Variants in KRT80 observed in about 807,000 individuals in gnomAD.
KRT80 encodes keratin, type II cytoskeletal 80.
A neutral mutation model predicts 51.5 loss-of-function variants in KRT80; 36 were observed. The observed-to-expected ratio is 0.70, with a 90% confidence interval of 0.54 to 0.92. The LOEUF (loss-of-function observed/expected upper bound fraction) is 0.92. Ranked by LOEUF, KRT80 falls within the 40% of genes least tolerant of loss-of-function variation. KRT80 has a pLI of 0.00. For synonymous variants in KRT80, 235 were observed against 248.3 expected, an observed-to-expected ratio of 0.95 and a Z score of 0.50; for missense variants, 566 against 591.7, an observed-to-expected ratio of 0.96 and a Z score of 0.45.
chr12:52,176,223 T>C (rs981363979), intron 4 of KRT80, among the ~76,000 whole-genome samples: 1 of 151,890 alleles, frequency 6.6e-6, no homozygotes, highest in Admixed American at 6.6e-5. Flanking sequence ...CTGCAGAGAG[T>C]ATGACAATTC....
chr12:52,173,748 G>T lies in KRT80; in HGVS notation c.683C>A (p.Ala228Glu). 6.2e-7 allele frequency: 1 copy of T among 1,611,218 alleles called. No individual in the cohort carries two copies. Among genetic ancestry groups the T allele is most frequent in the Non-Finnish European group, 8.5e-7 (1 of 1,179,988 alleles). Reference sequence around the variant, plus strand: ...CACCGACACATCCTTCACCTGTGCTGCCAGGTCCTTCAGCTCCTGACCGGG... The same window carrying T: ...CACCGACACATCCTTCACCTGTGCTTCCAGGTCCTTCAGCTCCTGACCGGG... ...TIYEQELKDL[A>E]AQVKDVSVTV... The change falls in exon 5 of 9, where the codon GCA becomes GAA. Residue 228 changes from alanine (A) to glutamate (E), a missense_variant. Coordinates refer to ENST00000394815, the MANE Select transcript of KRT80 (RefSeq NM_182507.3).
rs779396856 is a variant in KRT80 at position 52,185,522 on chromosome 12, G to A, written c.366C>T (p.Asp122=). The change falls in exon 2 of 9, where the codon GAC becomes GAT. Residue 122 remains aspartate, a synonymous_variant. Transcript: ENST00000394815. ...ETRWSFLQGQ[D]SAIFDLGHLY... ...GATGCCCGAGGTCGAAGATGGCTGA[G>A]TCCTGGCCCTGCAGGAAGCTCCAGC... 1.9e-6 allele frequency: 3 copies of A among 1,613,544 alleles called. No homozygotes were observed. Among genetic ancestry groups the A allele is most frequent in the Non-Finnish European group, 2.5e-6 (3 of 1,180,036 alleles).
rs1284118475 is a variant in KRT80 at position 52,180,956 on chromosome 12, C to T, written c.517G>A (p.Asp173Asn). Residue 173 changes from aspartate to asparagine, a missense_variant, in exon 3 of 9, where the codon GAT becomes AAT. Coordinates refer to ENST00000394815, the MANE Select transcript of KRT80 (RefSeq NM_182507.3). The stretch of plus-strand genomic sequence containing the variant: ...ATGTCTGTGCGCTTGGAGATCTCAT[C>T]CTCATACCTGGGAGGGAGAGAGGGG... The part of the protein sequence containing the change: ...KVEEFRIRYE[D>N]EISKRTDMEF... 1.3e-6 allele frequency: 2 copies of T among 1,526,546 alleles called. No individual in the cohort carries two copies. Among genetic ancestry groups the T allele is most frequent in the Non-Finnish European group, 1.8e-6 (2 of 1,139,226 alleles). The allele number at this position is 1,526,546 out of a possible 1,614,324, so 94.6% of individuals were successfully genotyped here.
chr12:52,174,098 T>A (rs1274553142), intron 4 of KRT80, among the ~76,000 whole-genome samples: 1 of 152,164 alleles, frequency 6.6e-6, no homozygotes, highest in African/African-American at 2.4e-5. Flanking sequence ...TCCTGGCTGA[T>A]GGGAAAGGGC....
At chr12:52,183,848 C>G (rs1198140603) in intron 2 of KRT80, among the ~76,000 whole-genome samples, 1 of 152,234 alleles carries the variant, frequency 6.6e-6, no homozygotes, top group Non-Finnish European at 1.5e-5. Context: ...GGCCTGTTTC[C>G]TTCCCTGTAA....
At chr12:52,184,721 G>A (rs867846922) in intron 2 of KRT80, among the ~76,000 whole-genome samples, 2 of 152,196 alleles carry the variant, frequency 1.3e-5, no homozygotes, top group Non-Finnish European at 2.9e-5. Flanking sequence ...CCAAGCCTGG[G>A]CCCATAAATG....
Position 52,191,597 on chromosome 12 carries a change from G to C in KRT80, c.300+6C>G. 6.4e-7 allele frequency: 1 copy of C among 1,574,706 alleles called. No individual in the cohort carries two copies. The highest frequency in any genetic ancestry group is 1.3e-5 in the African/African-American group (1 of 74,210). The stretch of plus-strand genomic sequence containing the variant: ...TTCATGTTTGGGACCCCCTACTTGT[G>C]CTCACCTTGCCAATTAGGGAGGCAA... On this transcript the variant is annotated splice_donor_region_variant and intron_variant, in intron 1 of 8. Coordinates refer to ENST00000394815, the MANE Select transcript of KRT80 (RefSeq NM_182507.3).
chr12:52,183,517 A>G (rs987570293), intron 2 of KRT80, among the ~76,000 whole-genome samples: 1 of 152,006 alleles, frequency 6.6e-6, no homozygotes, highest in African/African-American at 2.4e-5. Context: ...GAAGACCGAG[A>G]AGCCCTCCAG....
At chr12:52,178,508 C>T (rs1565694695) in intron 4 of KRT80, among the ~76,000 whole-genome samples, 2 of 152,336 alleles carry the variant, frequency 1.3e-5, no homozygotes, top group East Asian at 1.9e-4. Context: ...GGGAGGGTAC[C>T]GCCTGTGAGA....
At chr12:52,175,164 A>G (rs1050399070) in intron 4 of KRT80, among the ~76,000 whole-genome samples, 1 of 152,170 alleles carries the variant, frequency 6.6e-6, no homozygotes, top group Admixed American at 6.5e-5. Context: ...CAAGGCCAGT[A>G]TACTGCAGTT....
intron 2 of KRT80, among the ~76,000 whole-genome samples, chr12:52,184,390 C>A (rs1317026142): frequency 1.3e-5 from 2 of 152,242 alleles, no homozygotes; most frequent in Non-Finnish European, 2.9e-5. Flanking sequence ...AGAGGGTCAC[C>A]TCTCCTCTAA....
At chr12:52,187,921 C>T (rs906226350) in intron 1 of KRT80, among the ~76,000 whole-genome samples, 2 of 152,186 alleles carry the variant, frequency 1.3e-5, no homozygotes, top group African/African-American at 4.8e-5. Flanking sequence ...GAAGTTCTTC[C>T]TACAGTCTAA....
At position 52,172,559 on chromosome 12, in the gene KRT80, G is replaced by T. The variant is rs969832161; in HGVS notation, c.958-141C>A. Reference sequence around the variant, plus strand: ...AATGGCATTTCTGGGTGTGGTAACTGGTTGCCATGCAGCAAGAGGGAGTTC... The same window carrying T: ...AATGGCATTTCTGGGTGTGGTAACTTGTTGCCATGCAGCAAGAGGGAGTTC... On this transcript the variant is annotated intron_variant, in intron 6 of 8. Coordinates refer to ENST00000394815, the MANE Select transcript of KRT80 (RefSeq NM_182507.3). 8.1e-6 allele frequency: 6 copies of T among 738,530 alleles called. No individual in the cohort carries two copies. The Admixed American group carries it at 1.2e-4, about 14-fold the overall frequency. The allele number at this position is 738,530 out of a possible 1,614,324, so 45.7% of individuals were successfully genotyped here. A position where few individuals can be genotyped will look rare whatever the true frequency, so the allele number is the denominator to read the frequency against.
intron 6 of KRT80, 129 bp downstream of exon 6, chr12:52,172,909 A>ACTGAGG (rs1941137832): frequency 9.3e-7 from 1 of 1,078,500 alleles, no homozygotes; most frequent in Non-Finnish European, 1.3e-6. Context: ...AGATTAGGAA[A>ACTGAGG]CTGAGGCACA....
intron 1 of KRT80, 73 bp downstream of exon 1, chr12:52,191,530 G>A (rs1479483341): frequency 7.6e-6 from 11 of 1,438,576 alleles, no homozygotes; most frequent in East Asian, 2.3e-5. Context: ...TCGATGCTCA[G>A]GGAAACACAG....
intron 1 of KRT80, among the ~76,000 whole-genome samples, chr12:52,190,626 T>C (rs1941465340): frequency 6.6e-6 from 1 of 152,218 alleles, no homozygotes; most frequent in Non-Finnish European, 1.5e-5. Context: ...CAGTTTTCCT[T>C]ATCTGTGAAA....
rs750988421 is a variant in KRT80, at chr12:52,171,732, G to C, written c.1179-19C>G. ...GTCCATCCTGGGGGTGGGGGACGGG[G>C]GGGTGGGAGAGGGATATGATGGGAT... On this transcript the variant is annotated intron_variant, in intron 7 of 8. Coordinates refer to ENST00000394815, the MANE Select transcript of KRT80 (RefSeq NM_182507.3). 9 of 1,433,408 alleles carry C rather than the reference G, an allele frequency of 6.3e-6. No homozygotes were observed. Among genetic ancestry groups the C allele is most frequent in the Non-Finnish European group, 8.7e-6 (9 of 1,039,842 alleles). The allele number at this position is 1,433,408 out of a possible 1,614,324, so 88.8% of individuals were successfully genotyped here. A position where few individuals can be genotyped will look rare whatever the true frequency, so the allele number is the denominator to read the frequency against.
At chr12:52,174,074 G>A (rs1203696408) in intron 4 of KRT80, among the ~76,000 whole-genome samples, 1 of 152,226 alleles carries the variant, frequency 6.6e-6, no homozygotes, top group African/African-American at 2.4e-5. Flanking sequence ...CCTCTCCTGG[G>A]AGGGATGGCC....
At chr12:52,178,930 G>A (rs1187042914) in intron 4 of KRT80, among the ~76,000 whole-genome samples, 2 of 152,080 alleles carry the variant, frequency 1.3e-5, no homozygotes, top group East Asian at 3.9e-4. Context: ...AAAATCCAAA[G>A]GGAACCCACA....
Sources: allele counts gnomAD v4.1 joint callset (sites outside exome capture counted in the v4.1 genomes callset), GRCh38; gene constraint gnomAD v4.1.1; transcripts MANE v1.5; gene names NCBI Gene and HGNC (gene_info 2026-07-23, HGNC 2026-07-21).